GABRG3: variants seen among roughly 807,000 people sequenced by gnomAD.
The protein encoded by GABRG3 is gamma-aminobutyric acid receptor subunit gamma-3.
Under a neutral mutation model 48.8 loss-of-function variants are expected in GABRG3, and 25 were observed. The ratio of observed to expected loss-of-function variants is 0.51; its 90% CI spans 0.37 to 0.72. The LOEUF (loss-of-function observed/expected upper bound fraction) is 0.72. GABRG3 is among the 30% of genes least tolerant of loss of function. The pLI, the probability that GABRG3 is intolerant of heterozygous loss-of-function variation, is 0.00. For synonymous variants in GABRG3, 227 were observed against 217.6 expected, an observed-to-expected ratio of 1.04 and a Z score of -0.38; for missense variants, 394 against 577.9, an observed-to-expected ratio of 0.68 and a Z score of 3.26.
intron 3 of GABRG3, among the ~76,000 whole-genome samples, chr15:27,216,778 A>ATTTTT (rs57030355): frequency 8.4e-6 from 1 of 119,624 alleles, no homozygotes; most frequent in Admixed American, 8.6e-5. Flanking sequence ...TTATTTTTTA[A>ATTTTT]TTTTTTTTTT....
At chr15:27,192,496 C>A (rs1028782498) in intron 3 of GABRG3, among the ~76,000 whole-genome samples, 1 of 152,188 alleles carries the variant, frequency 6.6e-6, no homozygotes, top group Admixed American at 6.5e-5. Flanking sequence ...CGCTGATACC[C>A]TTTCTTCCAG....
intron 3 of GABRG3, among the ~76,000 whole-genome samples, chr15:27,043,350 C>A (rs1243162416): frequency 6.6e-6 from 1 of 152,224 alleles, no homozygotes; most frequent in Non-Finnish European, 1.5e-5. Flanking sequence ...GACTGAGCTC[C>A]TGCACTAGGC....
chr15:27,193,588 G>T (rs960134787), intron 3 of GABRG3, among the ~76,000 whole-genome samples: 1 of 152,180 alleles, frequency 6.6e-6, no homozygotes, highest in Non-Finnish European at 1.5e-5. Flanking sequence ...CAGTATTCGG[G>T]TGGGAGTAAC....
intron 5 of GABRG3, among the ~76,000 whole-genome samples, chr15:27,377,829 T>C (rs1339931349): frequency 1.3e-5 from 2 of 152,226 alleles, no homozygotes; most frequent in Non-Finnish European, 2.9e-5. Flanking sequence ...ATGGAGTCTT[T>C]AGAATAATGC....
intron 3 of GABRG3, among the ~76,000 whole-genome samples, chr15:27,316,474 A>T (rs1442508267): frequency 6.6e-6 from 1 of 151,568 alleles, no homozygotes; most frequent in African/African-American, 2.4e-5. Flanking sequence ...CCATCTTTGG[A>T]TAGAAAATTG....
chr15:27,307,814 TATAAA>T (rs1204311310), intron 3 of GABRG3, among the ~76,000 whole-genome samples: 12 of 101,976 alleles, frequency 1.2e-4, no homozygotes, highest in Non-Finnish European at 2.0e-4. Context: ...CATAAACATA[TATAAA>T]ATAAACATAA....
chr15:27,314,948 TATAAA>T (rs1337938992), intron 3 of GABRG3, among the ~76,000 whole-genome samples: 2 of 152,132 alleles, frequency 1.3e-5, no homozygotes, highest in Non-Finnish European at 2.9e-5. Context: ...AAGCCTCAAT[TATAAA>T]AGATGAATAA....
intron 3 of GABRG3, among the ~76,000 whole-genome samples, chr15:27,199,126 C>T (rs1474604555): frequency 6.6e-6 from 1 of 151,966 alleles, no homozygotes; most frequent in African/African-American, 2.4e-5. Flanking sequence ...CACATGTATC[C>T]CAGAACTTAA....
At position 27,527,548 on chromosome 15, in the gene GABRG3, C is replaced by T; in HGVS notation, c.981C>T (p.Val327=). 1 of 1,613,998 alleles carries T rather than the reference C, an allele frequency of 6.2e-7. No homozygotes were observed. The highest frequency in any genetic ancestry group is 8.5e-7 in the Non-Finnish European group (1 of 1,179,898). ...DLFVTVCFLF[V]FAALMEYATL... is the part of the protein sequence containing the mutation. ...TTGTGACCGTGTGCTTCCTGTTTGTCTTCGCCGCGCTGATGGAGTATGCCA... is the reference window on the plus strand; with the variant it reads ...TTGTGACCGTGTGCTTCCTGTTTGTTTTCGCCGCGCTGATGGAGTATGCCA... Residue 327 remains valine (V), a synonymous_variant, in exon 8 of 10, where the codon GTC becomes GTT. Coordinates refer to ENST00000615808, the MANE Select transcript of GABRG3 (RefSeq NM_033223.5).
intron 5 of GABRG3, among the ~76,000 whole-genome samples, chr15:27,424,545 G>C (rs1204667025): frequency 6.8e-6 from 1 of 146,758 alleles, no homozygotes; most frequent in Non-Finnish European, 1.5e-5. Context: ...ACCTCCTAAG[G>C]TTTCACCTTT....
At chr15:26,999,465 T>G (rs1448369167) in intron 2 of GABRG3, among the ~76,000 whole-genome samples, 2 of 152,186 alleles carry the variant, frequency 1.3e-5, no homozygotes, top group Non-Finnish European at 2.9e-5. Context: ...GAATCTGCGG[T>G]CATAGTTTCC....
At chr15:27,104,626 T>G (rs1324001475) in intron 3 of GABRG3, among the ~76,000 whole-genome samples, 2 of 152,200 alleles carry the variant, frequency 1.3e-5, no homozygotes, top group Admixed American at 1.3e-4. Flanking sequence ...GTGTTTTGCC[T>G]GTAACTTTTT....
chr15:27,517,146 A>G (rs8038608), intron 6 of GABRG3, among the ~76,000 whole-genome samples: 95,655 of 151,294 alleles, frequency 0.63, 31,592 homozygotes, highest in African/African-American at 0.84. Context: ...TGCCAGTATC[A>G]TGCACTCCTC....
chr15:27,407,772 T>C (rs574416731), intron 5 of GABRG3, among the ~76,000 whole-genome samples: 1 of 152,334 alleles, frequency 6.6e-6, no homozygotes, highest in South Asian at 2.1e-4. Flanking sequence ...CTATGGAGAC[T>C]GTATAGAGAA....
intron 3 of GABRG3, among the ~76,000 whole-genome samples, chr15:27,133,375 GTAT>G (rs1295880440): frequency 6.6e-6 from 1 of 152,122 alleles, no homozygotes; most frequent in Admixed American, 6.6e-5. Context: ...AATCAGTTAT[GTAT>G]TATTAATGGA....
At chr15:27,172,414 C>T (rs1887603141) in intron 3 of GABRG3, among the ~76,000 whole-genome samples, 1 of 151,990 alleles carries the variant, frequency 6.6e-6, no homozygotes, top group Non-Finnish European at 1.5e-5. Flanking sequence ...CTACGCTGAC[C>T]CCACCCCCAA....
At chr15:27,091,349 C>A (rs190695334) in intron 3 of GABRG3, among the ~76,000 whole-genome samples, 2 of 152,248 alleles carry the variant, frequency 1.3e-5, no homozygotes, top group African/African-American at 4.8e-5. Flanking sequence ...GATGTATAAT[C>A]CCTTACATGC....
chr15:27,345,937 C>T (rs1337486745), intron 5 of GABRG3, among the ~76,000 whole-genome samples: 4 of 151,684 alleles, frequency 2.6e-5, no homozygotes, highest in African/African-American at 9.7e-5. Flanking sequence ...TCAGTAGTCC[C>T]AGCTACCCAG....
chr15:26,987,470 A>C (rs1895173389), intron 2 of GABRG3, among the ~76,000 whole-genome samples: 1 of 152,232 alleles, frequency 6.6e-6, no homozygotes, highest in Admixed American at 6.5e-5. Flanking sequence ...TATACTGATC[A>C]GATTATCGTT....
Sources: gnomAD v4.1 joint callset for allele counts (sites outside exome capture counted in the v4.1 genomes callset) on GRCh38, gnomAD v4.1.1 for gene constraint, MANE v1.5 for transcripts, NCBI Gene and HGNC (gene_info 2026-07-23, HGNC 2026-07-21) for gene names.